Variants in SLC26A5 observed in about 807,000 individuals in gnomAD.
The protein encoded by SLC26A5 is prestin.
SLC26A5 carries 51 observed loss-of-function variants against 81.0 expected under a neutral mutation model. The observed-to-expected ratio is 0.63, with a 90% CI of 0.50 to 0.80. The LOEUF (loss-of-function observed/expected upper bound fraction) is 0.80, where lower values mean the gene tolerates loss of function less well. Ranked by LOEUF, SLC26A5 falls within the 30% of genes least tolerant of loss-of-function variation. SLC26A5 has a pLI of 0.00. For missense variants in SLC26A5, 771 were observed against 905.8 expected (o/e 0.85, Z 1.91); for synonymous variants, 325 against 332.8 (o/e 0.98, Z 0.25).
intron 2 of SLC26A5, among the ~76,000 whole-genome samples, chr7:103,430,378 C>T (rs894219232): frequency 2.6e-5 from 4 of 152,182 alleles, no homozygotes; most frequent in African/African-American, 7.2e-5. Context: ...CGCGCCCAGC[C>T]AGAACTGGCA....
intron 4 of SLC26A5, among the ~76,000 whole-genome samples, chr7:103,417,387 A>AG (rs1825004503): frequency 6.8e-6 from 1 of 147,432 alleles, no homozygotes; most frequent in African/African-American, 2.5e-5. Flanking sequence ...AAAAAAAAAG[A>AG]AAAAAAAATA....
At chr7:103,422,859 G>A (rs1261770782) in intron 2 of SLC26A5, among the ~76,000 whole-genome samples, 1 of 152,074 alleles carries the variant, frequency 6.6e-6, no homozygotes, top group Non-Finnish European at 1.5e-5. Context: ...ATGAATGCAT[G>A]GTTAAGTGCT....
intron 2 of SLC26A5, among the ~76,000 whole-genome samples, chr7:103,440,246 C>T (rs1020800111): frequency 1.3e-5 from 2 of 152,106 alleles, no homozygotes; most frequent in Non-Finnish European, 2.9e-5. Context: ...CAATGAAAAC[C>T]CTTGTTACCT....
chr7:103,437,830 A>G (rs556453075), intron 2 of SLC26A5, among the ~76,000 whole-genome samples: 2 of 152,334 alleles, frequency 1.3e-5, no homozygotes, highest in South Asian at 2.1e-4. Flanking sequence ...AAAGTTTAAG[A>G]TAGACAAGAA....
At chr7:103,354,454 C>T (rs190628744) in intron 19 of SLC26A5, among the ~76,000 whole-genome samples, 25 of 151,290 alleles carry the variant, frequency 1.7e-4, no homozygotes, top group African/African-American at 5.6e-4. Flanking sequence ...CTGCAACCTC[C>T]GCCTCCTGGG....
At chr7:103,393,362 T>C (rs1822829108) in intron 9 of SLC26A5, among the ~76,000 whole-genome samples, 1 of 151,912 alleles carries the variant, frequency 6.6e-6, no homozygotes, top group Non-Finnish European at 1.5e-5. Flanking sequence ...TGATGGCAAG[T>C]GTAAGTAAGA....
At chr7:103,413,179 C>T in intron 4 of SLC26A5, 67 bp from the exon 5 acceptor site, 1 of 1,081,826 alleles carries the variant, frequency 9.2e-7, no homozygotes, top group Non-Finnish European at 1.4e-6. Context: ...ATGTGTTTTT[C>T]TCTTGGTTCT....
chr7:103,397,497 T>C (rs1291511873), intron 9 of SLC26A5, among the ~76,000 whole-genome samples: 32 of 127,292 alleles, frequency 2.5e-4, no homozygotes, highest in Non-Finnish European at 3.9e-4. Context: ...GCCGAGATCA[T>C]GCCACTGCAC....
intron 8 of SLC26A5, among the ~76,000 whole-genome samples, chr7:103,404,925 T>G (rs559138531): frequency 6.6e-6 from 1 of 152,248 alleles, no homozygotes; most frequent in Admixed American, 6.5e-5. Flanking sequence ...TACACTATAT[T>G]TCATTAAGTT....
chr7:103,388,584 C>G, intron 14 of SLC26A5: 1 of 324,212 alleles, frequency 3.1e-6, no homozygotes, highest in Non-Finnish European at 6.0e-6. Context: ...GAAAGTGGTT[C>G]AGGGTGGAGG....
At position 103,377,787 on chromosome 7, in the gene SLC26A5, C is replaced by T. The variant is rs768005303; in HGVS notation, c.1798G>A (p.Asp600Asn). The change falls in exon 18 of 20, where the codon GAT becomes AAT. Residue 600 changes from aspartate to asparagine, a missense_variant. Asp to Asn is a conservative substitution (Grantham distance 23). Coordinates refer to ENST00000306312, the MANE Select transcript of SLC26A5 (RefSeq NM_198999.3). ...ATVVKADAEV[D>N]GEDATKPEEE... ...TCAGGCTTGGTAGCATCCTCTCCAT[C>T]TACTTCTGCATCCTGTGTCAAAAAT... 5.0e-6 allele frequency: 8 copies of T among 1,613,888 alleles called. No homozygotes were observed. The highest frequency in any genetic ancestry group is 6.8e-6 in the Non-Finnish European group (8 of 1,179,992).
chr7:103,439,400 C>T (rs1826699595), intron 2 of SLC26A5, among the ~76,000 whole-genome samples: 1 of 152,164 alleles, frequency 6.6e-6, no homozygotes, highest in African/African-American at 2.4e-5. Context: ...TGAAAAGGGG[C>T]CCTGTGTGAT....
At chr7:103,410,295 A>C (rs1205825153) in intron 7 of SLC26A5, 90 bp downstream of exon 7, 2 of 1,145,000 alleles carry the variant, frequency 1.7e-6, no homozygotes, top group Admixed American at 1.9e-5. Flanking sequence ...AAAAAGAAAA[A>C]TGAGTCTTGA....
chr7:103,389,162 A>C, intron 13 of SLC26A5, 48 bp from the exon 14 acceptor site: 1 of 1,425,074 alleles, frequency 7.0e-7, no homozygotes, highest in Middle Eastern at 1.7e-4. Flanking sequence ...TAAACATCCC[A>C]CAAGAGTTAA....
intron 4 of SLC26A5, among the ~76,000 whole-genome samples, chr7:103,417,936 T>C (rs1003176879): frequency 6.6e-6 from 1 of 152,142 alleles, no homozygotes; most frequent in African/African-American, 2.4e-5. Flanking sequence ...TTAGTAGATA[T>C]GGGTTTCACC....
At chr7:103,436,655 T>C (rs1262122430) in intron 2 of SLC26A5, among the ~76,000 whole-genome samples, 1 of 152,194 alleles carries the variant, frequency 6.6e-6, no homozygotes. Flanking sequence ...ATCCAGGTAT[T>C]GCTGAATGTT....
intron 19 of SLC26A5, among the ~76,000 whole-genome samples, chr7:103,363,689 C>A (rs1284998996): frequency 6.6e-6 from 1 of 152,016 alleles, no homozygotes; most frequent in Non-Finnish European, 1.5e-5. Context: ...CACAGTGTAA[C>A]CTTTAGCAAT....
At chr7:103,412,231 G>T (rs1314770418) in intron 5 of SLC26A5, among the ~76,000 whole-genome samples, 1 of 152,214 alleles carries the variant, frequency 6.6e-6, no homozygotes, top group African/African-American at 2.4e-5. Context: ...AAGTATGTGT[G>T]TGTTAGGTAG....
At chr7:103,376,895 C>G (rs762259342) in intron 18 of SLC26A5, 33 bp from the exon 19 acceptor site, 2 of 1,431,146 alleles carry the variant, frequency 1.4e-6, no homozygotes, top group Admixed American at 3.4e-5. Flanking sequence ...TTTAGTTTCT[C>G]TTTACTCTGT....
Sources: gnomAD v4.1 joint callset for allele counts (sites outside exome capture counted in the v4.1 genomes callset) on GRCh38, gnomAD v4.1.1 for gene constraint, MANE v1.5 for transcripts, NCBI Gene and HGNC (gene_info 2026-07-23, HGNC 2026-07-21) for gene names.